MNT: variants seen among roughly 807,000 people sequenced by gnomAD.
MNT encodes max-binding protein MNT.
In MNT, 13 loss-of-function variants were observed where a neutral mutation model predicts 40.7. That is an observed-to-expected ratio of 0.32 (90% CI 0.21 to 0.51). The LOEUF (loss-of-function observed/expected upper bound fraction) is 0.51, where lower values mean the gene tolerates loss of function less well. Ranked by LOEUF, MNT falls within the 20% of genes least tolerant of loss-of-function variation. MNT has a pLI of 0.98. For missense variants in MNT, 757 were observed against 792.0 expected (o/e 0.96, Z 0.53); for synonymous variants, 426 against 354.8 (o/e 1.20, Z -2.26).
chr17:2,394,461 A>C, intron 2 of MNT, 115 bp from the exon 3 acceptor site: 1 of 1,483,820 alleles, frequency 6.7e-7, no homozygotes, highest in East Asian at 2.3e-5. Context: ...CACTGTCTTA[A>C]AGCAGACTGG....
chr17:2,395,088 G>T lies in MNT; in HGVS notation c.440C>A (p.Ala147Asp), dbSNP rs1182835833. 6.6e-7 allele frequency: 1 copy of T among 1,516,128 alleles called. No homozygotes were observed. The highest frequency in any genetic ancestry group is 8.8e-7 in the Non-Finnish European group (1 of 1,133,250). 93.9% of individuals were successfully genotyped at this position (1,516,128 alleles called of 1,614,324 possible). Residue 147 changes from alanine (A) to aspartate (D), a missense_variant, in exon 2 of 6, where the codon GCT (alanine) becomes GAT (aspartate). Around this residue, in one of 4 missense-constraint regions of MNT, gnomAD observed 335 missense variants for 291.4 expected, o/e 1.15. Coordinates refer to ENST00000174618, the MANE Select transcript of MNT (RefSeq NM_020310.3). ...LPSRPQVPTP[A>D]PLLPDSKATI... is the part of the protein sequence containing the mutation. ...GGCCTTCGAGTCCGGCAGTAGGGGA[G>T]CAGGGGTGGGCACCTGCGGCCTGCT... is the stretch of plus-strand genomic sequence containing the variant.
chr17:2,400,577 C>A, intron 1 of MNT, 63 bp downstream of exon 1: 1 of 1,483,362 alleles, frequency 6.7e-7, no homozygotes, highest in East Asian at 2.7e-5. Flanking sequence ...CGCGTGGGTT[C>A]GGGGACCGGG....
intron 2 of MNT, 50 bp downstream of exon 2, chr17:2,394,825 G>A (rs1468704764): frequency 5.8e-6 from 8 of 1,372,784 alleles, no homozygotes; most frequent in Non-Finnish European, 7.1e-6. Flanking sequence ...CCCGGGGGAT[G>A]GGCACCTCTC....
intron 1 of MNT, among the ~76,000 whole-genome samples, chr17:2,398,557 G>A (rs1293796442): frequency 6.6e-6 from 1 of 152,172 alleles, no homozygotes; most frequent in Non-Finnish European, 1.5e-5. Context: ...GAAACTGCTG[G>A]GATCGGTTCC....
chr17:2,388,569 C>T (rs898751), intron 4 of MNT, among the ~76,000 whole-genome samples: 70,522 of 151,698 alleles, frequency 0.46, 16,628 homozygotes, highest in South Asian at 0.59. Context: ...CTCCCCGACC[C>T]CCTAGGCGAC....
intron 4 of MNT, 97 bp downstream of exon 4, chr17:2,393,946 C>T: frequency 1.3e-6 from 1 of 745,002 alleles, no homozygotes; most frequent in Non-Finnish European, 1.9e-6. Context: ...CGCGGGGGAG[C>T]CGCCGGGGCG....
chr17:2,388,174 C>G (rs2066483905), intron 4 of MNT, 125 bp from the exon 5 acceptor site: 3 of 861,922 alleles, frequency 3.5e-6, no homozygotes, highest in Non-Finnish European at 3.5e-6. Context: ...CGGGCCCAGC[C>G]TGACGGGGGC....
At chr17:2,395,976 G>A (rs2066575826) in intron 1 of MNT, among the ~76,000 whole-genome samples, 1 of 152,240 alleles carries the variant, frequency 6.6e-6, no homozygotes, top group African/African-American at 2.4e-5. Flanking sequence ...TAGAGGGCAG[G>A]CAGTGCCTGC....
In MNT at chr17:2,394,484, C is replaced by G. The variant is rs373336132; in HGVS notation, c.654-138G>C. On this transcript the variant is annotated intron_variant, in intron 2 of 5. Transcript: ENST00000174618. ...TAAAGCAGACTGGGAGACGTTCGCCCTGTGCCATGCTGCGCCCACCCCCTG... is the reference window on the plus strand; with the variant it reads ...TAAAGCAGACTGGGAGACGTTCGCCGTGTGCCATGCTGCGCCCACCCCCTG... 75 of 1,269,320 alleles carry G rather than the reference C, an allele frequency of 5.9e-5. No individual in the cohort carries two copies. In the African/African-American group the frequency reaches 1.0e-3, roughly 17 times the overall value. 78.6% of individuals were successfully genotyped at this position (1,269,320 alleles called of 1,614,324 possible).
chr17:2,394,238 A>G (rs2066554620), intron 3 of MNT, 67 bp downstream of exon 3: 2 of 1,587,220 alleles, frequency 1.3e-6, no homozygotes, highest in East Asian at 2.3e-5. Flanking sequence ...GCTGGGGCCG[A>G]GGGCCGCCGG....
intron 1 of MNT, chr17:2,396,715 T>TG (rs538194331): frequency 1.0e-3 from 153 of 152,432 alleles, no homozygotes; most frequent in African/African-American, 3.5e-3. Flanking sequence ...GCTACGGGGC[T>TG]GGCCCAGGCC....
Position 2,386,472 on chromosome 17 carries a change from A to C in MNT, c.*429T>G. The C allele has an allele frequency of 1.2e-5, 2 of 173,740 alleles. No homozygotes were observed. Among genetic ancestry groups the C allele is most frequent in the East Asian group, 1.7e-4 (1 of 6,016 alleles). The allele number at this position is 173,740 out of a possible 1,614,324, so 10.8% of individuals were successfully genotyped here. On this transcript the variant is annotated 3_prime_UTR_variant, in exon 6 of 6. Coordinates refer to ENST00000174618, the MANE Select transcript of MNT (RefSeq NM_020310.3). ...CCATTTCCCCTCCAAAGGCCTGGGA[A>C]GAGAACATGAGGCTCCGGAGGAAAG... is the stretch of plus-strand genomic sequence containing the variant.
At chr17:2,387,827 TG>T (rs773100723) in intron 5 of MNT, 29 bp downstream of exon 5, 7 of 1,563,940 alleles carry the variant, frequency 4.5e-6, no homozygotes, top group South Asian at 1.1e-5. Flanking sequence ...ATCTGAGGGC[TG>T]GGGGGCCAGC....
rs1421861871 is a variant in MNT at position 2,385,939 on chromosome 17, C to T, written c.*962G>A. The T allele has an allele frequency of 6.6e-6, 1 of 152,348 alleles. No homozygotes were observed. Among genetic ancestry groups the T allele is most frequent in the Non-Finnish European group, 1.5e-5 (1 of 68,136 alleles). The allele number at this position is 152,348 out of a possible 1,614,324, so 9.4% of individuals were successfully genotyped here. On this transcript the variant is annotated 3_prime_UTR_variant, in exon 6 of 6. Transcript: ENST00000174618. ...CACAGGCCGCCAGGCCCACCTGTCC[C>T]TTGGAGCAGTGCCCAGCACTCAGCA... is the stretch of plus-strand genomic sequence containing the variant.
Position 2,395,426 on chromosome 17 carries a change from C to G in MNT, c.102G>C (p.Gln34His). ...CCTTCTTCTGTTCCTGCTCTCGCTCCTGCTCCAAGCGAAGCCGCTCCTGCT... is the reference window on the plus strand; with the variant it reads ...CCTTCTTCTGTTCCTGCTCTCGCTCGTGCTCCAAGCGAAGCCGCTCCTGCT... ...REEQERLRLE[Q>H]EREQEQKKAN... The change falls in exon 2 of 6, where the codon CAG becomes CAC. Residue 34 changes from glutamine (Q) to histidine (H), a missense_variant. This residue lies in a region of MNT where 335 missense variants were observed against 291.4 expected (regional missense o/e 1.15). Coordinates refer to ENST00000174618, the MANE Select transcript of MNT (RefSeq NM_020310.3). 1.2e-6 allele frequency: 2 copies of G among 1,612,970 alleles called. No homozygotes were observed. The highest frequency in any genetic ancestry group is 1.7e-6 in the Non-Finnish European group (2 of 1,179,602).
chr17:2,398,175 C>T (rs1212412935), intron 1 of MNT, among the ~76,000 whole-genome samples: 2 of 152,080 alleles, frequency 1.3e-5, no homozygotes, highest in Non-Finnish European at 2.9e-5. Context: ...GGTCAGGAGC[C>T]TCTGGACACT....
In MNT at chr17:2,387,932, C is replaced by T. The variant is rs138666309; in HGVS notation, c.925G>A (p.Val309Ile). 9.9e-6 allele frequency: 16 copies of T among 1,609,736 alleles called. No homozygotes were observed. Among genetic ancestry groups the T allele is most frequent in the African/African-American group, 2.7e-5 (2 of 74,842 alleles). Residue 309 changes from valine (V) to isoleucine (I), a missense_variant, in exon 5 of 6, where the codon GTA (valine) becomes ATA (isoleucine). Physicochemically the swap from Val to Ile is conservative, Grantham distance 29. Coordinates refer to ENST00000174618, the MANE Select transcript of MNT (RefSeq NM_020310.3). ...CGCAGCACGCGGTCAATCTCCAGTA[C>T]GTCCATCCACTGGCTCAGCTCGTGC... ...LKHELSQWMD[V>I]LEIDRVLRQT...
At chr17:2,395,606 G>T in intron 1 of MNT, 152 bp from the exon 2 acceptor site, 1 of 1,381,106 alleles carries the variant, frequency 7.2e-7, no homozygotes, top group African/African-American at 1.4e-5. Flanking sequence ...AGCCAGGCAC[G>T]GGGGAAAGTG....
chr17:2,397,725 C>G (rs779553536), intron 1 of MNT, among the ~76,000 whole-genome samples: 16 of 152,180 alleles, frequency 1.1e-4, no homozygotes, highest in Non-Finnish European at 2.2e-4. Flanking sequence ...AGATCCAGCC[C>G]ACCGGAGCTT....
Sources: allele counts gnomAD v4.1 joint callset (sites outside exome capture counted in the v4.1 genomes callset), GRCh38; gene constraint gnomAD v4.1.1; regional missense constraint gnomAD v4.1.1; transcripts MANE v1.5; gene names NCBI Gene and HGNC (gene_info 2026-07-23, HGNC 2026-07-21).